HACE1: variants seen among roughly 807,000 people sequenced by gnomAD.
HACE1 encodes the protein E3 ubiquitin-protein ligase HACE1.
Under a neutral mutation model 118.4 loss-of-function variants are expected in HACE1, and 73 were observed. That is an observed-to-expected ratio of 0.62 (90% confidence interval 0.51 to 0.75). The LOEUF (loss-of-function observed/expected upper bound fraction) is 0.75. HACE1 is among the 30% of genes least tolerant of loss of function. The pLI is 0.00. For missense variants in HACE1, 749 were observed against 1,102.2 expected (o/e 0.68, Z 4.54); for synonymous variants, 368 against 374.8 (o/e 0.98, Z 0.21).
chr6:104,758,398 T>C (rs1311921078), intron 19 of HACE1, among the ~76,000 whole-genome samples: 1 of 152,150 alleles, frequency 6.6e-6, no homozygotes, highest in East Asian at 1.9e-4. Flanking sequence ...CAATATTCAG[T>C]ATTCTTAAAG....
Position 104,733,700 on chromosome 6 carries a change from T to A in HACE1, c.2514-3284A>T, listed in dbSNP as rs1775462809. 2.0e-5 allele frequency among the ~76,000 whole-genome samples: 3 copies of A among 149,884 alleles called. No homozygotes were observed. The South Asian group carries it at 6.3e-4, about 31-fold the overall frequency. On this transcript the variant is annotated intron_variant, in intron 22 of 23. Transcript: ENST00000262903. ...CCCGTCTCTACTAAAAATACAAAAA[T>A]TAGCCAGGCGAAGTGATGTGTGCAC...
In HACE1 at chr6:104,854,888, C is replaced by T. The variant is rs180725674; in HGVS notation, c.77-2517G>A. ...TGAAAAACAATTTAGTCCTTGGCAA[C>T]ATTCACAAGTTCAGTATGCAGATGC... is the stretch of plus-strand genomic sequence containing the variant. On this transcript the variant is annotated intron_variant, in intron 1 of 23. Coordinates refer to ENST00000262903, the MANE Select transcript of HACE1 (RefSeq NM_020771.4). Among the ~76,000 whole-genome samples the T allele has an allele frequency of 1.2e-3, 179 of 152,224 alleles. 1 individual carries two copies. Among genetic ancestry groups the T allele is most frequent in the African/African-American group, 4.0e-3 (166 of 41,520 alleles).
At chr6:104,781,560 C>G (rs1431678718) in intron 14 of HACE1, among the ~76,000 whole-genome samples, 2 of 152,150 alleles carry the variant, frequency 1.3e-5, no homozygotes, top group Admixed American at 1.3e-4. Context: ...TAATTTCCTC[C>G]ATTTTGTAAC....
intron 3 of HACE1, 94 bp from the exon 4 acceptor site, chr6:104,849,340 A>G (rs1314589756): frequency 4.8e-6 from 4 of 840,908 alleles, no homozygotes; most frequent in Non-Finnish European, 8.1e-6. Flanking sequence ...ATTAAACACA[A>G]TTTTCTTTTT....
In HACE1 at chr6:104,761,210, T is replaced by C. The variant is rs565262665; in HGVS notation, c.2211+9983A>G. ...ATGGAAAAAACTAATTTAATCTTCA[T>C]ATGGAACCAAAAAAGAGCCCGCATA... is the stretch of plus-strand genomic sequence containing the variant. On this transcript the variant is annotated intron_variant, in intron 19 of 23. Coordinates refer to ENST00000262903, the MANE Select transcript of HACE1 (RefSeq NM_020771.4). Among the ~76,000 whole-genome samples the C allele has an allele frequency of 3.5e-4, 53 of 152,240 alleles. 1 individual carries two copies. The highest frequency in any genetic ancestry group is 3.4e-3 in the Middle Eastern group (1 of 294).
chr6:104,791,981 T>C (rs1783072699), intron 10 of HACE1, among the ~76,000 whole-genome samples: 1 of 152,188 alleles, frequency 6.6e-6, no homozygotes, highest in Non-Finnish European at 1.5e-5. Flanking sequence ...CTTTCAGAAG[T>C]ATATTTGTAA....
intron 19 of HACE1, among the ~76,000 whole-genome samples, chr6:104,769,093 A>G (rs1454434374): frequency 6.6e-6 from 1 of 151,998 alleles, no homozygotes; most frequent in Admixed American, 6.6e-5. Flanking sequence ...AGAGGGCAGT[A>G]ATGTCATCTT....
intron 7 of HACE1, among the ~76,000 whole-genome samples, chr6:104,797,424 T>C (rs1197337636): frequency 6.6e-6 from 1 of 151,864 alleles, no homozygotes; most frequent in East Asian, 1.9e-4. Flanking sequence ...TCTAGGCTTC[T>C]TAATCCAAAA....
intron 19 of HACE1, among the ~76,000 whole-genome samples, chr6:104,756,019 AATAG>A (rs1243364742): frequency 3.3e-5 from 5 of 152,170 alleles, no homozygotes; most frequent in South Asian, 2.1e-4. Context: ...ATATTAATAA[AATAG>A]ATAGACCTCT....
intron 6 of HACE1, among the ~76,000 whole-genome samples, chr6:104,822,312 G>A (rs1326022411): frequency 6.6e-6 from 1 of 151,070 alleles, no homozygotes; most frequent in Non-Finnish European, 1.5e-5. Flanking sequence ...GAACCCAGGA[G>A]GCAGAGCTTG....
chr6:104,802,033 C>CAAAAAAAAAAA (rs533831848), intron 7 of HACE1, among the ~76,000 whole-genome samples: 1 of 58,772 alleles, frequency 1.7e-5, no homozygotes, highest in Admixed American at 1.8e-4. Flanking sequence ...AACGAAAAGC[C>CAAAAAAAAAAA]AAAAAAAAAA....
At chr6:104,780,425 T>C (rs557206140) in intron 14 of HACE1, 283 of 417,026 alleles carry the variant, frequency 6.8e-4, no homozygotes, top group Middle Eastern at 3.8e-3. Flanking sequence ...TGTACAGCAA[T>C]ACAAAATGTT....
At chr6:104,792,880 C>T (rs1193399672) in intron 10 of HACE1, among the ~76,000 whole-genome samples, 2 of 152,148 alleles carry the variant, frequency 1.3e-5, no homozygotes, top group Admixed American at 6.5e-5. Flanking sequence ...CTCTTTCTAC[C>T]CAATAAATAC....
intron 22 of HACE1, among the ~76,000 whole-genome samples, chr6:104,743,075 C>T (rs187117454): frequency 1.8e-4 from 27 of 150,086 alleles, no homozygotes; most frequent in Non-Finnish European, 1.9e-4. Flanking sequence ...AAAAACCAAA[C>T]ACCGCGTATT....
Position 104,730,412 on chromosome 6 carries a change from T to G in HACE1, c.2518A>C (p.Arg840=), listed in dbSNP as rs769401432. The change falls in exon 23 of 24, where the codon AGG becomes CGG. Residue 840 remains arginine (R), a synonymous_variant. Coordinates refer to ENST00000262903, the MANE Select transcript of HACE1 (RefSeq NM_020771.4). ...TTAGCAAACCCACCATGTGGGACCC[T>G]GGAACTAAGAGTTTATATCTTAATA... ...LLLQFVTGSS[R]VPHGGFANIM... is the part of the protein sequence containing the mutation. 1 of 1,419,710 alleles carries G rather than the reference T, an allele frequency of 7.0e-7. No homozygotes were observed. Among genetic ancestry groups the G allele is most frequent in the South Asian group, 1.1e-5 (1 of 87,214 alleles). The allele number at this position is 1,419,710 out of a possible 1,614,324, so 87.9% of individuals were successfully genotyped here.
Position 104,750,422 on chromosome 6 carries a change from C to T in HACE1, c.2262G>A (p.Gln754=), listed in dbSNP as rs1582654076. Residue 754 remains glutamine (Q), a synonymous_variant, in exon 20 of 24, where the codon CAG becomes CAA. Transcript: ENST00000262903. ...CCTGTAAAAAAGCATTGATCTGAGG[C>T]TGAATGGCTCTTGTCATTCGAAGTT... The part of the protein sequence containing the change: ...VTELRMTRAI[Q]PQINAFLQGF... 6.2e-7 allele frequency: 1 copy of T among 1,613,108 alleles called. No homozygotes were observed. The highest frequency in any genetic ancestry group is 1.7e-5 in the Admixed American group (1 of 59,956).
At chr6:104,731,661 A>C (rs1279986108) in intron 22 of HACE1, 1 of 152,108 alleles carries the variant, frequency 6.6e-6, no homozygotes, top group Non-Finnish European at 1.5e-5. Context: ...CCGGATATTC[A>C]CTACAACGAA....
intron 6 of HACE1, 151 bp from the exon 7 acceptor site, chr6:104,811,544 G>T: frequency 3.6e-6 from 2 of 561,680 alleles, no homozygotes; most frequent in East Asian, 3.7e-5. Context: ...CTATGGCTGA[G>T]CAAATTCAAC....
intron 7 of HACE1, among the ~76,000 whole-genome samples, chr6:104,808,002 C>A (rs529280972): frequency 6.6e-6 from 1 of 152,218 alleles, no homozygotes; most frequent in South Asian, 2.1e-4. Flanking sequence ...GCCCAGGCAA[C>A]ATGGCAAAAC....
Sources: gnomAD v4.1 joint callset for allele counts (sites outside exome capture counted in the v4.1 genomes callset) on GRCh38, gnomAD v4.1.1 for gene constraint, MANE v1.5 for transcripts, NCBI Gene and HGNC (gene_info 2026-07-23, HGNC 2026-07-21) for gene names.